Variants in RABGAP1L observed in about 807,000 individuals in gnomAD.
RABGAP1L encodes RAB GTPase activating protein 1 like.
A neutral mutation model predicts 137.7 loss-of-function variants in RABGAP1L; 63 were observed. The observed-to-expected ratio is 0.46, with a 90% CI of 0.37 to 0.56. The LOEUF is 0.56. Ranked by LOEUF, RABGAP1L falls within the 20% of genes least tolerant of loss-of-function variation. The probability of loss-of-function intolerance (pLI) is 0.00; values close to 1 mark genes in which losing one functional copy is unlikely to be tolerated. For missense variants in RABGAP1L, 1,095 were observed against 1,244.0 expected, an observed-to-expected ratio of 0.88 and a Z score of 1.80; for synonymous variants, 431 against 433.7, an observed-to-expected ratio of 0.99 and a Z score of 0.08.
intron 13 of RABGAP1L, among the ~76,000 whole-genome samples, chr1:174,396,975 C>CAAAAA (rs35904728): frequency 1.1e-5 from 1 of 93,166 alleles, no homozygotes; most frequent in Admixed American, 1.1e-4. Flanking sequence ...GCTGTCTCTA[C>CAAAAA]AAAAAAAAAA....
chr1:174,879,007 C>G (rs1573630704), intron 19 of RABGAP1L, among the ~76,000 whole-genome samples: 1 of 138,598 alleles, frequency 7.2e-6, no homozygotes, highest in South Asian at 2.3e-4. Flanking sequence ...GATTTCAGCT[C>G]ACTGCAACCT....
At chr1:174,573,335 T>TAA (rs1668135943) in intron 13 of RABGAP1L, among the ~76,000 whole-genome samples, 2 of 151,988 alleles carry the variant, frequency 1.3e-5, no homozygotes, top group South Asian at 4.1e-4. Context: ...TGTATATATA[T>TAA]AACTTTTAAT....
intron 14 of RABGAP1L, among the ~76,000 whole-genome samples, chr1:174,680,696 G>T (rs1424020560): frequency 6.6e-6 from 1 of 152,030 alleles, no homozygotes; most frequent in East Asian, 1.9e-4. Context: ...AGGAGCTCCA[G>T]ACCTGGGCAA....
intron 19 of RABGAP1L, among the ~76,000 whole-genome samples, chr1:174,870,624 CA>C (rs979292825): frequency 6.6e-6 from 1 of 151,368 alleles, no homozygotes; most frequent in Non-Finnish European, 1.5e-5. Context: ...TAATTATCTA[CA>C]AAAAAGGAAT....
At chr1:174,321,347 C>T (rs1425820296) in intron 11 of RABGAP1L, among the ~76,000 whole-genome samples, 2 of 152,100 alleles carry the variant, frequency 1.3e-5, no homozygotes, top group Admixed American at 6.6e-5. Context: ...TTTTGTTCCC[C>T]TTGAAGCATG....
intron 19 of RABGAP1L, among the ~76,000 whole-genome samples, chr1:174,879,132 G>A (rs147728966): frequency 0.08 from 11,296 of 141,004 alleles, 614 homozygotes; most frequent in East Asian, 0.32. Context: ...ATGGAGTCTC[G>A]CTCTGTTTCC....
chr1:174,456,595 T>A (rs962150601), intron 13 of RABGAP1L, among the ~76,000 whole-genome samples: 1 of 152,082 alleles, frequency 6.6e-6, no homozygotes, highest in African/African-American at 2.4e-5. Context: ...AGTGATTAGT[T>A]TGAATTAGTG....
In RABGAP1L at chr1:174,413,464, G is replaced by A. The variant is rs76751413; in HGVS notation, c.1710+19319G>A. ...TCATTTATGAGTTTCCATTTTAGTT[G>A]GGGACCATTGCTTGACAGCTCTAAG... On this transcript the variant is annotated intron_variant, in intron 13 of 25. Coordinates refer to ENST00000681986, the MANE Select transcript of RABGAP1L (RefSeq NM_001366446.1). Among the ~76,000 whole-genome samples, 375 of 152,102 alleles carry A rather than the reference G, an allele frequency of 2.5e-3. 16 individuals are homozygous for A. The East Asian group carries it at 0.056, about 23-fold the overall frequency.
At chr1:174,711,301 G>A (rs990762169) in intron 17 of RABGAP1L, among the ~76,000 whole-genome samples, 2 of 152,190 alleles carry the variant, frequency 1.3e-5, no homozygotes, top group African/African-American at 4.8e-5. Flanking sequence ...GCAGCGGTGG[G>A]CTGAAGGGCT....
intron 13 of RABGAP1L, among the ~76,000 whole-genome samples, chr1:174,619,167 G>A (rs1430155582): frequency 1.3e-5 from 2 of 152,242 alleles, no homozygotes; most frequent in Non-Finnish European, 2.9e-5. Flanking sequence ...CGTGTGACAG[G>A]TGTACCTGAA....
At chr1:174,498,169 A>C (rs1660912270) in intron 13 of RABGAP1L, among the ~76,000 whole-genome samples, 1 of 152,106 alleles carries the variant, frequency 6.6e-6, no homozygotes, top group African/African-American at 2.4e-5. Flanking sequence ...TTAGATTTGA[A>C]ATATGATAAT....
chr1:174,891,048 A>C (rs2149118878), intron 19 of RABGAP1L, among the ~76,000 whole-genome samples: 1 of 152,342 alleles, frequency 6.6e-6, no homozygotes, highest in Admixed American at 6.5e-5. Flanking sequence ...TTGATAGATA[A>C]GGCCAAATTG....
At chr1:174,205,532 G>A (rs1668448142) in intron 1 of RABGAP1L, among the ~76,000 whole-genome samples, 1 of 152,088 alleles carries the variant, frequency 6.6e-6, no homozygotes, top group South Asian at 2.1e-4. Context: ...TATGTGTCCA[G>A]GAATTTATGT....
intron 13 of RABGAP1L, among the ~76,000 whole-genome samples, chr1:174,616,518 G>T (rs1033641515): frequency 6.6e-6 from 1 of 152,140 alleles, no homozygotes. Flanking sequence ...AATTGGTCAT[G>T]GTCGACCTAG....
chr1:174,469,935 C>A (rs1223894728), intron 13 of RABGAP1L, among the ~76,000 whole-genome samples: 1 of 151,898 alleles, frequency 6.6e-6, no homozygotes, highest in Non-Finnish European at 1.5e-5. Context: ...CACTGTAGAG[C>A]TGAGCTGACT....
intron 13 of RABGAP1L, among the ~76,000 whole-genome samples, chr1:174,427,730 A>T (rs1370605634): frequency 6.6e-6 from 1 of 152,218 alleles, no homozygotes; most frequent in Non-Finnish European, 1.5e-5. Flanking sequence ...TGTTTATTCT[A>T]GATAAGACAC....
At chr1:174,813,337 G>A (rs1690067764) in intron 19 of RABGAP1L, among the ~76,000 whole-genome samples, 1 of 152,146 alleles carries the variant, frequency 6.6e-6, no homozygotes, top group Admixed American at 6.5e-5. Context: ...TTAAATGTGA[G>A]TGTGAGGAGA....
intron 13 of RABGAP1L, among the ~76,000 whole-genome samples, chr1:174,417,425 G>C (rs545363628): frequency 2.6e-4 from 39 of 152,256 alleles, no homozygotes; most frequent in Non-Finnish European, 4.9e-4. Flanking sequence ...GCGAATGTTG[G>C]GGGTAATTGC....
At chr1:174,822,193 G>C (rs549675025) in intron 19 of RABGAP1L, among the ~76,000 whole-genome samples, 1 of 152,176 alleles carries the variant, frequency 6.6e-6, no homozygotes, top group African/African-American at 2.4e-5. Flanking sequence ...CCTGGGAGGC[G>C]GAAGTTGTGG....
Sources: allele counts gnomAD v4.1 joint callset (sites outside exome capture counted in the v4.1 genomes callset), GRCh38; gene constraint gnomAD v4.1.1; transcripts MANE v1.5; gene names NCBI Gene and HGNC (gene_info 2026-07-23, HGNC 2026-07-21).